IL20RB: variants seen among roughly 807,000 people sequenced by gnomAD.
IL20RB encodes interleukin-20 receptor subunit beta.
A neutral mutation model predicts 33.3 loss-of-function variants in IL20RB; 21 were observed. The observed-to-expected ratio is 0.63, with a 90% CI of 0.45 to 0.91. The LOEUF (loss-of-function observed/expected upper bound fraction) is 0.91. IL20RB is among the 40% of genes least tolerant of loss of function. The pLI is 0.00. For missense variants in IL20RB, 345 were observed against 384.8 expected (o/e 0.90, Z 0.86); for synonymous variants, 147 against 146.8 (o/e 1.00, Z -0.01).
intron 4 of IL20RB, among the ~76,000 whole-genome samples, chr3:136,990,453 C>G (rs1016083913): frequency 1.3e-5 from 2 of 152,170 alleles, no homozygotes; most frequent in African/African-American, 2.4e-5. Context: ...TTATTCCAGG[C>G]TGTGATCCCT....
At chr3:136,973,566 C>G (rs1024780366) in intron 1 of IL20RB, among the ~76,000 whole-genome samples, 1 of 152,046 alleles carries the variant, frequency 6.6e-6, no homozygotes, top group Admixed American at 6.5e-5. Context: ...CTGTAAATAT[C>G]TGTTAGGTCC....
intron 6 of IL20RB, among the ~76,000 whole-genome samples, chr3:137,000,208 A>C (rs1942214145): frequency 6.6e-6 from 1 of 152,230 alleles, no homozygotes; most frequent in Non-Finnish European, 1.5e-5. Context: ...TCTCCTATGC[A>C]GTAGGCAGTT....
At chr3:136,984,554 G>A (rs1407160232) in intron 3 of IL20RB, among the ~76,000 whole-genome samples, 1 of 151,946 alleles carries the variant, frequency 6.6e-6, no homozygotes, top group African/African-American at 2.4e-5. Context: ...GGCAGAATTT[G>A]CAGCATTCGG....
intron 1 of IL20RB, among the ~76,000 whole-genome samples, chr3:136,961,055 G>T (rs1027006913): frequency 3.3e-5 from 5 of 152,178 alleles, no homozygotes; most frequent in African/African-American, 1.2e-4. Context: ...CTCACTCAAG[G>T]TTTTACGAAA....
rs1474791840 is a variant in IL20RB at position 136,995,553 on chromosome 3, C to T, written c.822C>T (p.Thr274=). The change falls in exon 6 of 7, where the codon ACC becomes ACT. Residue 274 remains threonine (T), a synonymous_variant. Transcript: ENST00000329582. ...SCCPVVVLPD[T]LKITNSPQKL... is the part of the protein sequence containing the mutation. ...GCCCCGTGGTGGTCCTCCCAGACAC[C>T]TTGGTAATAGAGTAGTTCTTTATTC... is the stretch of plus-strand genomic sequence containing the variant. 6.2e-7 allele frequency: 1 copy of T among 1,613,982 alleles called. No individual in the cohort carries two copies.
intron 6 of IL20RB, among the ~76,000 whole-genome samples, chr3:137,006,092 C>T (rs1438839459): frequency 2.0e-5 from 3 of 152,148 alleles, no homozygotes; most frequent in Non-Finnish European, 4.4e-5. Flanking sequence ...GAATATTGGC[C>T]ACCACTCTCT....
At chr3:136,990,121 G>A (rs1002196500) in intron 4 of IL20RB, among the ~76,000 whole-genome samples, 2 of 151,942 alleles carry the variant, frequency 1.3e-5, no homozygotes, top group Non-Finnish European at 2.9e-5. Context: ...TACAGCCTGG[G>A]ATGGGTGGGA....
chr3:136,982,429 T>G (rs1247566429), intron 3 of IL20RB, 79 bp downstream of exon 3: 2 of 1,057,950 alleles, frequency 1.9e-6, no homozygotes, highest in Admixed American at 4.7e-5. Flanking sequence ...CTTTCTAGAC[T>G]CTTTTTAGCA....
chr3:137,009,964 G>T, intron 6 of IL20RB, 149 bp from the exon 7 acceptor site: 1 of 567,944 alleles, frequency 1.8e-6, no homozygotes, highest in Non-Finnish European at 3.2e-6. Flanking sequence ...AATGTTGGAA[G>T]CCCCTGATCT....
rs751058283 is a variant in IL20RB at position 137,010,202 on chromosome 3, C to T, written c.915C>T (p.Leu305=). The T allele has an allele frequency of 7.5e-5, 118 of 1,583,292 alleles. No homozygotes were observed. The highest frequency in any genetic ancestry group is 9.9e-5 in the Non-Finnish European group (114 of 1,151,960). ...CATAVMSPEE[L]LRAWIS ...CGGCTGTGATGTCTCCTGAGGAACT[C>T]CTCAGGGCCTGGATCTCATAGGTTT... The change falls in exon 7 of 7, where the codon CTC becomes CTT. Residue 305 remains leucine, a synonymous_variant. Transcript: ENST00000329582.
At chr3:136,976,407 C>A (rs1941619170) in intron 1 of IL20RB, among the ~76,000 whole-genome samples, 1 of 152,180 alleles carries the variant, frequency 6.6e-6, no homozygotes, top group African/African-American at 2.4e-5. Context: ...ACAGCCTGGG[C>A]CAGTAGGTGG....
chr3:136,971,235 A>G (rs982973289), intron 1 of IL20RB, among the ~76,000 whole-genome samples: 3 of 151,930 alleles, frequency 2.0e-5, no homozygotes, highest in Admixed American at 1.3e-4. Flanking sequence ...GGTTCAGGTG[A>G]TTCTCCCGCC....
Position 136,961,236 on chromosome 3 carries a change from G to T in IL20RB, c.88+3035G>T, listed in dbSNP as rs1236830751. On this transcript the variant is annotated intron_variant, in intron 1 of 6. Coordinates refer to ENST00000329582, the MANE Select transcript of IL20RB (RefSeq NM_144717.4). ...TTCTGGGATGTGTGCTAGTTAGAGA[G>T]ATTTTAAAAACTTGTCTTCAGGGAG... Among the ~76,000 whole-genome samples, 3 of 152,166 alleles carry T rather than the reference G, an allele frequency of 2.0e-5. No homozygotes were observed. In the East Asian group the frequency reaches 5.8e-4, roughly 29 times the overall value.
intron 6 of IL20RB, among the ~76,000 whole-genome samples, chr3:137,004,364 G>C (rs985702694): frequency 6.6e-6 from 1 of 152,166 alleles, no homozygotes; most frequent in African/African-American, 2.4e-5. Flanking sequence ...TTGTACCGCT[G>C]GTAGAATTCG....
chr3:136,958,070 AT>A lies in IL20RB; in HGVS notation c.-40del. On this transcript the variant is annotated 5_prime_UTR_variant, in exon 1 of 7. The change creates a premature stop within an existing upstream ORF in the 5' untranslated region. Coordinates refer to ENST00000329582, the MANE Select transcript of IL20RB (RefSeq NM_144717.4). ...ATGGCTGAGATGGACAGAATGCTTT[AT>A]TTTGGAAAGAAACAATGTTCTAGGT... is the stretch of plus-strand genomic sequence containing the variant. 1 of 1,190,170 alleles carries A rather than the reference AT, an allele frequency of 8.4e-7. No individual in the cohort carries two copies. The highest frequency in any genetic ancestry group is 1.3e-6 in the Non-Finnish European group (1 of 797,550). The allele number at this position is 1,190,170 out of a possible 1,614,324, so 73.7% of individuals were successfully genotyped here.
At chr3:137,009,153 C>T (rs1364978090) in intron 6 of IL20RB, among the ~76,000 whole-genome samples, 2 of 152,146 alleles carry the variant, frequency 1.3e-5, no homozygotes, top group African/African-American at 4.8e-5. Context: ...GAGACTGGCT[C>T]AATGAAGCTG....
chr3:136,970,656 T>G (rs1941454334), intron 1 of IL20RB, among the ~76,000 whole-genome samples: 1 of 121,988 alleles, frequency 8.2e-6, no homozygotes, highest in Non-Finnish European at 1.8e-5. Flanking sequence ...CCTTCCTTCC[T>G]TCCTTCCTTT....
chr3:136,989,527 T>TCC lies in IL20RB; in HGVS notation c.493_494insCC (p.Phe165SerfsTer20). 1 of 1,613,766 alleles carries TCC rather than the reference T, an allele frequency of 6.2e-7. No homozygotes were observed. The highest frequency in any genetic ancestry group is 8.5e-7 in the Non-Finnish European group (1 of 1,179,816). On this transcript the variant is annotated frameshift_variant, in exon 4 of 7. Transcript: ENST00000329582. LOFTEE classifies it high-confidence loss of function. ...GGAGGACCTGGGGCCCCAGTTTGAG[T>TCC]TCCTTGTGGCCTACTGGAGGAGGGA...
At chr3:137,005,008 C>T (rs1300456118) in intron 6 of IL20RB, among the ~76,000 whole-genome samples, 2 of 152,136 alleles carry the variant, frequency 1.3e-5, no homozygotes, top group Non-Finnish European at 2.9e-5. Flanking sequence ...TTATTTCTGC[C>T]TTCATTTCGT....
Sources: gnomAD v4.1 joint callset for allele counts (sites outside exome capture counted in the v4.1 genomes callset) on GRCh38, gnomAD v4.1.1 for gene constraint, MANE v1.5 for transcripts, NCBI Gene and HGNC (gene_info 2026-07-23, HGNC 2026-07-21) for gene names.